SNAPC4: variants seen among roughly 807,000 people sequenced by gnomAD.
The protein encoded by SNAPC4 is snRNA-activating protein complex subunit 4.
A neutral mutation model predicts 151.3 loss-of-function variants in SNAPC4; 127 were observed. The ratio of observed to expected loss-of-function variants is 0.84; its 90% CI spans 0.73 to 0.97. The LOEUF (loss-of-function observed/expected upper bound fraction) is 0.97. Ranked by LOEUF, SNAPC4 falls within the 50% of genes least tolerant of loss-of-function variation. The probability of loss-of-function intolerance (pLI) is 0.00; values close to 1 mark genes in which losing one functional copy is unlikely to be tolerated. For missense variants in SNAPC4, 2,186 were observed against 1,935.0 expected (o/e 1.13, Z -2.43); for synonymous variants, 1,002 against 824.4 (o/e 1.22, Z -3.69).
In SNAPC4 at chr9:136,383,290, G is replaced by C. The variant is rs766970879; in HGVS notation, c.1879C>G (p.Pro627Ala). The change falls in exon 16 of 24, where the codon CCG becomes GCG. Residue 627 changes from proline to alanine, a missense_variant. Pro to Ala is a conservative substitution (Grantham distance 27). Transcript: ENST00000684778. This position sits in a 1 kb window ranked among gnomAD's most constrained non-coding sequence, Gnocchi z 4.2. ...TAAAPGEETS[P>A]VQVPARAHGP... Reference sequence around the variant, plus strand: ...TGGGCCCTGGCAGGGACCTGCACCGGACTCGTCTCCTCTCCAGGAGCCGCG... The same window carrying C: ...TGGGCCCTGGCAGGGACCTGCACCGCACTCGTCTCCTCTCCAGGAGCCGCG... 2.5e-6 allele frequency: 4 copies of C among 1,612,244 alleles called. No homozygotes were observed. The highest frequency in any genetic ancestry group is 2.2e-5 in the East Asian group (1 of 44,874).
rs769853414 is a variant in SNAPC4, at chr9:136,395,780, A to C, written c.178-10T>G. 2.5e-6 allele frequency: 4 copies of C among 1,607,562 alleles called. No individual in the cohort carries two copies. Among genetic ancestry groups the C allele is most frequent in the African/African-American group, 1.3e-5 (1 of 74,914 alleles). ...CCCACCTTTCTTCTTCCTGGTAACG[A>C]GCCAGAAATGGCATGTGACGAGATG... On this transcript the variant is annotated splice_polypyrimidine_tract_variant and intron_variant, in intron 3 of 23. Transcript: ENST00000684778.
intron 5 of SNAPC4, 147 bp downstream of exon 5, chr9:136,395,151 C>CA (rs1282833148): frequency 2.5e-5 from 26 of 1,049,288 alleles, no homozygotes; most frequent in Non-Finnish European, 3.3e-5. Flanking sequence ...GCAGCTTGCC[C>CA]ACCACGGAGG....
chr9:136,379,891 C>G (rs768008972), intron 20 of SNAPC4, 27 bp from the exon 21 acceptor site: 2 of 1,608,290 alleles, frequency 1.2e-6, no homozygotes, highest in East Asian at 4.5e-5. Flanking sequence ...GGAGAGTCAG[C>G]AGCTCAGGTG....
chr9:136,399,904 G>T (rs1205052547), intron 1 of SNAPC4, among the ~76,000 whole-genome samples: 2 of 152,082 alleles, frequency 1.3e-5, no homozygotes, highest in African/African-American at 4.8e-5. Flanking sequence ...GAGCCTCCTC[G>T]GAGCCCGCAG....
At position 136,378,541 on chromosome 9, in the gene SNAPC4, G is replaced by A. The variant is rs1366810256; in HGVS notation, c.3286C>T (p.Leu1096Phe). Residue 1096 changes from leucine (L) to phenylalanine (F), a missense_variant, in exon 22 of 24, where the codon CTT becomes TTT. Coordinates refer to ENST00000684778, the MANE Select transcript of SNAPC4 (RefSeq NM_003086.4). The part of the protein sequence containing the change: ...LPVPVPAVVS[L>F]PRPAGTPGPA... Reference sequence around the variant, plus strand: ...CCAGGGGTCCCTGCTGGCCTGGGAAGGCTCACCACAGCTGGTACAGGAACA... The same window carrying A: ...CCAGGGGTCCCTGCTGGCCTGGGAAAGCTCACCACAGCTGGTACAGGAACA... 1.9e-6 allele frequency: 3 copies of A among 1,593,126 alleles called. No individual in the cohort carries two copies. The highest frequency in any genetic ancestry group is 2.6e-6 in the Non-Finnish European group (3 of 1,174,656).
Position 136,379,835 on chromosome 9 carries a change from A to C in SNAPC4, c.2527+2T>G, listed in dbSNP as rs1198951660. 6.2e-7 allele frequency: 1 copy of C among 1,613,144 alleles called. No homozygotes were observed. The highest frequency in any genetic ancestry group is 8.5e-7 in the Non-Finnish European group (1 of 1,179,692). The stretch of plus-strand genomic sequence containing the variant: ...CCCACCAGGGCAGAGAAGCAGAGTT[A>C]CCTGGGGTGCTCTGGGCACTTGAGG... On this transcript the variant is annotated splice_donor_variant, in intron 21 of 23. Transcript: ENST00000684778. LOFTEE classifies it high-confidence loss of function.
chr9:136,383,328 G>T lies in SNAPC4; in HGVS notation c.1841C>A (p.Ala614Asp). Residue 614 changes from alanine to aspartate, a missense_variant, in exon 16 of 24, where the codon GCT (alanine) becomes GAT (aspartate). Physicochemically the swap from Ala to Asp is moderately radical, Grantham distance 126. Coordinates refer to ENST00000684778, the MANE Select transcript of SNAPC4 (RefSeq NM_003086.4). The surrounding 1 kb of genome is among the most constrained non-coding windows in gnomAD (Gnocchi z 4.2). ...SSASQGGSKE[A>D]STTAAAPGEE... Reference sequence around the variant, plus strand: ...TCCAGGAGCCGCGGCTGTGGTGGAAGCTTCCTTGCTGCCGCCCTGGCTGGC... The same window carrying T: ...TCCAGGAGCCGCGGCTGTGGTGGAATCTTCCTTGCTGCCGCCCTGGCTGGC... 1 of 1,611,270 alleles carries T rather than the reference G, an allele frequency of 6.2e-7. No homozygotes were observed. The highest frequency in any genetic ancestry group is 8.5e-7 in the Non-Finnish European group (1 of 1,179,304).
In SNAPC4 at chr9:136,392,742, G is replaced by T; in HGVS notation, c.668C>A (p.Ser223Tyr). 1 of 1,613,666 alleles carries T rather than the reference G, an allele frequency of 6.2e-7. No individual in the cohort carries two copies. The highest frequency in any genetic ancestry group is 8.5e-7 in the Non-Finnish European group (1 of 1,180,022). The change falls in exon 8 of 24, where the codon TCC (serine) becomes TAC (tyrosine). Residue 223 changes from serine (S) to tyrosine (Y), a missense_variant. Transcript: ENST00000684778. ...CAGGGCTTGCCTCTCCAGCTCACTG[G>T]AGACTTTGCTCTGCTTCTGGTGCAA... ...EYLHQKQSKV[S>Y]SELERQALEK...
chr9:136,378,260 C>A lies in SNAPC4; in HGVS notation c.3567G>T (p.Thr1189=), dbSNP rs759016866. Residue 1189 remains threonine (T), a synonymous_variant, in exon 22 of 24, where the codon ACG becomes ACT. Transcript: ENST00000684778. ...CTTCAGGAGGGTCAGCGTGGGAGGA[C>A]GTCCTGGGCTCAGGTATCTCCCTGG... is the stretch of plus-strand genomic sequence containing the variant. ...QVAREIPEPR[T]SSHADPPEAE... 4 of 1,607,708 alleles carry A rather than the reference C, an allele frequency of 2.5e-6. No individual in the cohort carries two copies. In the Admixed American group the frequency reaches 6.8e-5, roughly 27 times the overall value.
rs1833962748 is a variant in SNAPC4 at position 136,388,437 on chromosome 9, G to T, written c.1123+7C>A. On this transcript the variant is annotated splice_region_variant and intron_variant, in intron 11 of 23. Coordinates refer to ENST00000684778, the MANE Select transcript of SNAPC4 (RefSeq NM_003086.4). ...GCCTGAGAGCCGTCGGGGTGGAGGG[G>T]CCTCACTTCTGCGGTAGGGGATGTG... 4.3e-6 allele frequency: 7 copies of T among 1,611,546 alleles called. No homozygotes were observed. The East Asian group carries it at 1.3e-4, about 31-fold the overall frequency.
Position 136,394,771 on chromosome 9 carries a change from G to A in SNAPC4, c.550+29C>T, listed in dbSNP as rs753278882. 2.5e-6 allele frequency: 4 copies of A among 1,605,250 alleles called. No individual in the cohort carries two copies. In the South Asian group the frequency reaches 4.4e-5, roughly 18 times the overall value. Reference sequence around the variant, plus strand: ...CATGGGGAGGTGTCCCAAGCTCAGGGGTGCCGCAGGGCCGGCCAGGGCTCT... The same window carrying A: ...CATGGGGAGGTGTCCCAAGCTCAGGAGTGCCGCAGGGCCGGCCAGGGCTCT... On this transcript the variant is annotated intron_variant, in intron 6 of 23. Coordinates refer to ENST00000684778, the MANE Select transcript of SNAPC4 (RefSeq NM_003086.4).
intron 19 of SNAPC4, 104 bp from the exon 20 acceptor site, chr9:136,380,954 T>C: frequency 4.4e-6 from 3 of 679,694 alleles, no homozygotes; most frequent in South Asian, 1.7e-5. Flanking sequence ...CTGGGGCGGC[T>C]ACCTTGAGAC....
rs932678340 is a variant in SNAPC4, at chr9:136,379,102, C to T, written c.2725G>A (p.Glu909Lys). Residue 909 changes from glutamate (E) to lysine (K), a missense_variant, in exon 22 of 24, where the codon GAG becomes AAG. Physicochemically the swap from Glu to Lys is moderately conservative, Grantham distance 56. Coordinates refer to ENST00000684778, the MANE Select transcript of SNAPC4 (RefSeq NM_003086.4). ...AGCACCACCGGGCCCCGGGTGGCCT[C>T]CCTGGCACGGGCCTCCTGAAGCCGC... The part of the protein sequence containing the change: ...EKRLQEARAR[E>K]ATRGPVVLPS... 38 of 1,562,734 alleles carry T rather than the reference C, an allele frequency of 2.4e-5. 1 individual carries two copies. Among genetic ancestry groups the T allele is most frequent in the Middle Eastern group, 1.7e-4 (1 of 5,910 alleles).
chr9:136,397,512 G>C (rs1026153265), intron 2 of SNAPC4, among the ~76,000 whole-genome samples: 1 of 147,048 alleles, frequency 6.8e-6, no homozygotes, highest in Non-Finnish European at 1.5e-5. Flanking sequence ...GGTAGGCTCA[G>C]AAGCTAAAGG....
chr9:136,388,576 A>T lies in SNAPC4; in HGVS notation c.991T>A (p.Phe331Ile). The change falls in exon 11 of 24, where the codon TTC becomes ATC. Residue 331 changes from phenylalanine (F) to isoleucine (I), a missense_variant. Transcript: ENST00000684778. ...TGCTGGAATTTCTGCAGGCACTGGAAGGCGCTGCGGCTGGTCTTCCCAGGC... is the reference window on the plus strand; with the variant it reads ...TGCTGGAATTTCTGCAGGCACTGGATGGCGCTGCGGCTGGTCTTCCCAGGC... ...AEELGTSRSA[F>I]QCLQKFQQHN... 1 of 1,614,042 alleles carries T rather than the reference A, an allele frequency of 6.2e-7. No individual in the cohort carries two copies. The highest frequency in any genetic ancestry group is 1.1e-5 in the South Asian group (1 of 91,086).
In SNAPC4 at chr9:136,379,095, G is replaced by C; in HGVS notation, c.2732C>G (p.Thr911Ser). ...GGACGGGAGCACCACCGGGCCCCGGGTGGCCTCCCTGGCACGGGCCTCCTG... is the reference window on the plus strand; with the variant it reads ...GGACGGGAGCACCACCGGGCCCCGGCTGGCCTCCCTGGCACGGGCCTCCTG... The part of the protein sequence containing the change: ...RLQEARAREA[T>S]RGPVVLPSQL... Residue 911 changes from threonine to serine, a missense_variant, in exon 22 of 24, where the codon ACC becomes AGC. Physicochemically the swap from Thr to Ser is moderately conservative, Grantham distance 58. Transcript: ENST00000684778. 6.4e-7 allele frequency: 1 copy of C among 1,564,410 alleles called. No homozygotes were observed. Among genetic ancestry groups the C allele is most frequent in the Non-Finnish European group, 8.7e-7 (1 of 1,155,270 alleles).
Position 136,395,693 on chromosome 9 carries a change from G to A in SNAPC4, c.255C>T (p.Thr85=), listed in dbSNP as rs759499323. The change falls in exon 4 of 24, where the codon ACC becomes ACT. Residue 85 remains threonine (T), a synonymous_variant. Transcript: ENST00000684778. The part of the protein sequence containing the change: ...KDKTLPEDPE[T]CLQLNMVYQE... ...GGTAGACCATGTTCAGCTGCAGGCAGGTTTCTGGGTCTTCAGGGAGGGTTT... is the reference window on the plus strand; with the variant it reads ...GGTAGACCATGTTCAGCTGCAGGCAAGTTTCTGGGTCTTCAGGGAGGGTTT... 3.7e-5 allele frequency: 59 copies of A among 1,613,378 alleles called. No individual in the cohort carries two copies. The highest frequency in any genetic ancestry group is 4.7e-5 in the Non-Finnish European group (55 of 1,179,998).
chr9:136,394,594 AG>A (rs1434139558), intron 6 of SNAPC4, among the ~76,000 whole-genome samples: 1 of 152,224 alleles, frequency 6.6e-6, no homozygotes, highest in Non-Finnish European at 1.5e-5. Flanking sequence ...CGGCCTGGCT[AG>A]CCCCTCGTGA....
In SNAPC4 at chr9:136,381,841, G is replaced by T; in HGVS notation, c.2300C>A (p.Ala767Asp). Residue 767 changes from alanine to aspartate, a missense_variant, in exon 18 of 24, where the codon GCC (alanine) becomes GAC (aspartate). Physicochemically the swap from Ala to Asp is moderately radical, Grantham distance 126 (BLOSUM62 -2). Coordinates refer to ENST00000684778, the MANE Select transcript of SNAPC4 (RefSeq NM_003086.4). ...VPCTQASQRPAVVQTQADGLR... is the reference protein window; with the variant it reads ...VPCTQASQRPDVVQTQADGLR... ...GGCCATACCTTGAGTCTGCACTACG[G>T]CGGGTCTCTGGGAAGCCTGTGTGCA... The T allele has an allele frequency of 6.2e-7, 1 of 1,609,458 alleles. No individual in the cohort carries two copies. The highest frequency in any genetic ancestry group is 8.5e-7 in the Non-Finnish European group (1 of 1,177,804).
Sources: allele counts gnomAD v4.1 joint callset (sites outside exome capture counted in the v4.1 genomes callset), GRCh38; gene constraint gnomAD v4.1.1; non-coding constraint Gnocchi (gnomAD v3.1); transcripts MANE v1.5; gene names NCBI Gene and HGNC (gene_info 2026-07-23, HGNC 2026-07-21).